Variants in PPP2R3A observed in about 807,000 individuals in gnomAD.
PPP2R3A encodes protein phosphatase 2 regulatory subunit B''alpha.
In PPP2R3A, 80 loss-of-function variants were observed where a neutral mutation model predicts 106.9. That is an observed-to-expected ratio of 0.75 (90% CI 0.62 to 0.90). The LOEUF is 0.90. PPP2R3A is among the 40% of genes least tolerant of loss of function. The pLI is 0.00. For missense variants in PPP2R3A, 1,386 were observed against 1,350.4 expected (o/e 1.03, Z -0.41); for synonymous variants, 483 against 468.3 (o/e 1.03, Z -0.41).
At chr3:136,100,251 T>C (rs1204216662) in intron 10 of PPP2R3A, among the ~76,000 whole-genome samples, 4 of 152,036 alleles carry the variant, frequency 2.6e-5, no homozygotes, top group Non-Finnish European at 4.4e-5. Context: ...AGCTCACAAC[T>C]AAAATTCCAG....
chr3:136,120,444 C>A (rs151017604), intron 13 of PPP2R3A, among the ~76,000 whole-genome samples: 1 of 151,916 alleles, frequency 6.6e-6, no homozygotes, highest in Non-Finnish European at 1.5e-5. Flanking sequence ...AAAAATTAGC[C>A]GGGCAGGGTG....
chr3:136,143,646 C>A (rs1423756484), intron 13 of PPP2R3A, among the ~76,000 whole-genome samples: 1 of 151,854 alleles, frequency 6.6e-6, no homozygotes, highest in African/African-American at 2.4e-5. Context: ...AAAAATTACC[C>A]GGGCATGGTG....
chr3:135,995,233 T>C (rs1173189334), intron 1 of PPP2R3A, among the ~76,000 whole-genome samples: 3 of 152,200 alleles, frequency 2.0e-5, no homozygotes, highest in Non-Finnish European at 4.4e-5. Context: ...AGAACAATTA[T>C]GATTTTGCAA....
intron 8 of PPP2R3A, among the ~76,000 whole-genome samples, chr3:136,085,857 C>T (rs1214675042): frequency 4.0e-5 from 6 of 151,530 alleles, no homozygotes; most frequent in African/African-American, 9.7e-5. Flanking sequence ...GAGGCCAAAG[C>T]GAGTGGATCA....
Position 136,102,189 on chromosome 3 carries a change from C to A in PPP2R3A, c.3103+7C>A, listed in dbSNP as rs746033982. 4 of 1,612,340 alleles carry A rather than the reference C, an allele frequency of 2.5e-6. No homozygotes were observed. The highest frequency in any genetic ancestry group is 3.4e-6 in the Non-Finnish European group (4 of 1,179,762). On this transcript the variant is annotated splice_region_variant and intron_variant, in intron 11 of 13. Coordinates refer to ENST00000264977, the MANE Select transcript of PPP2R3A (RefSeq NM_002718.5). The stretch of plus-strand genomic sequence containing the variant: ...GTGAAGCCAGCTGTTGATGGTGAGA[C>A]CAAGCAATGGGACAGATGCACTGTT...
In PPP2R3A at chr3:136,001,422, T is replaced by C; in HGVS notation, c.-77T>C. 1 of 1,200,484 alleles carries C rather than the reference T, an allele frequency of 8.3e-7. No homozygotes were observed. Among genetic ancestry groups the C allele is most frequent in the Non-Finnish European group, 1.2e-6 (1 of 839,918 alleles). The allele number at this position is 1,200,484 out of a possible 1,614,324, so 74.4% of individuals were successfully genotyped here. ...CATTGTTATTAAATATATTTTCAGCTAACTGTCATTTAGGAGAATTTTCAT... is the reference window on the plus strand; with the variant it reads ...CATTGTTATTAAATATATTTTCAGCCAACTGTCATTTAGGAGAATTTTCAT... On this transcript the variant is annotated 5_prime_UTR_variant, in exon 2 of 14. It removes the in-frame stop codon of an upstream open reading frame in the 5' UTR. Transcript: ENST00000264977.
At chr3:136,138,602 C>T (rs1209517698) in intron 13 of PPP2R3A, among the ~76,000 whole-genome samples, 3 of 148,088 alleles carry the variant, frequency 2.0e-5, no homozygotes, top group Non-Finnish European at 3.0e-5. Context: ...ATATAAGTGG[C>T]TTAGGATATC....
chr3:136,084,690 A>C (rs1046563477), intron 8 of PPP2R3A, among the ~76,000 whole-genome samples: 23 of 152,348 alleles, frequency 1.5e-4, no homozygotes, highest in East Asian at 3.9e-4. Flanking sequence ...TGTACCCTAC[A>C]AAGGCACAGG....
rs1162100392 is a variant in PPP2R3A at position 136,002,698 on chromosome 3, G to T, written c.1200G>T (p.Met400Ile). 1 of 1,613,122 alleles carries T rather than the reference G, an allele frequency of 6.2e-7. No homozygotes were observed. The highest frequency in any genetic ancestry group is 8.5e-7 in the Non-Finnish European group (1 of 1,179,480). ...AVQVQSQSLT[M>I]NPLENVSSDD... ...AGGTCCAATCACAGTCATTAACCAT[G>T]AATCCTTTAGAAAATGTTTCTTCTG... Residue 400 changes from methionine to isoleucine, a missense_variant, in exon 2 of 14, where the codon ATG becomes ATT. Transcript: ENST00000264977.
At chr3:136,102,896 TGAG>T (rs1479577896) in intron 11 of PPP2R3A, among the ~76,000 whole-genome samples, 3 of 151,966 alleles carry the variant, frequency 2.0e-5, no homozygotes, top group African/African-American at 7.3e-5. Flanking sequence ...AGAAAGCACA[TGAG>T]GAGAGATGGG....
chr3:136,054,953 C>G (rs1439906854), intron 5 of PPP2R3A, among the ~76,000 whole-genome samples: 1 of 152,132 alleles, frequency 6.6e-6, no homozygotes, highest in Non-Finnish European at 1.5e-5. Context: ...AGTTTTTTAT[C>G]TTTATATCTA....
intron 5 of PPP2R3A, among the ~76,000 whole-genome samples, chr3:136,059,184 A>T (rs1935987607): frequency 6.6e-6 from 1 of 152,170 alleles, no homozygotes; most frequent in Admixed American, 6.5e-5. Flanking sequence ...AGAAACTATC[A>T]ACAGACTAAA....
intron 2 of PPP2R3A, among the ~76,000 whole-genome samples, chr3:136,004,451 CT>C: frequency 6.6e-6 from 1 of 152,284 alleles, no homozygotes; most frequent in East Asian, 1.9e-4. Flanking sequence ...ATGCTTTTAA[CT>C]GCCTTGTCCC....
intron 3 of PPP2R3A, among the ~76,000 whole-genome samples, chr3:136,032,534 T>A (rs6793273): frequency 0.41 from 61,537 of 149,942 alleles, 15,583 homozygotes; most frequent in African/African-American, 0.73. Context: ...TTATTTATTT[T>A]TTTTTTTTCC....
At chr3:136,078,529 C>A in intron 7 of PPP2R3A, 76 bp downstream of exon 7, 2 of 961,800 alleles carry the variant, frequency 2.1e-6, no homozygotes, top group Non-Finnish European at 3.2e-6. Flanking sequence ...AATATTTGAG[C>A]GCTTACTCTA....
intron 1 of PPP2R3A, among the ~76,000 whole-genome samples, chr3:135,999,718 T>G (rs1288614878): frequency 6.6e-6 from 1 of 152,148 alleles, no homozygotes; most frequent in Non-Finnish European, 1.5e-5. Flanking sequence ...CCCTTTTTCT[T>G]TCTCAGCAAG....
chr3:136,041,253 T>TTC (rs1935269709), intron 4 of PPP2R3A, among the ~76,000 whole-genome samples: 1 of 119,354 alleles, frequency 8.4e-6, no homozygotes. Flanking sequence ...TTTTTTTGTT[T>TTC]TTTTTTTTGT....
At chr3:136,116,071 G>A (rs931423624) in intron 13 of PPP2R3A, among the ~76,000 whole-genome samples, 1 of 152,220 alleles carries the variant, frequency 6.6e-6, no homozygotes, top group African/African-American at 2.4e-5. Flanking sequence ...CAAGCCAGAA[G>A]AAGAAAGTGG....
chr3:136,125,753 CAT>C (rs1481712066), intron 13 of PPP2R3A, among the ~76,000 whole-genome samples: 7 of 152,058 alleles, frequency 4.6e-5, no homozygotes, highest in African/African-American at 1.7e-4. Flanking sequence ...AAAATATTAA[CAT>C]ATCAAATCCA....
Sources: allele counts gnomAD v4.1 joint callset (sites outside exome capture counted in the v4.1 genomes callset), GRCh38; gene constraint gnomAD v4.1.1; transcripts MANE v1.5; gene names NCBI Gene and HGNC (gene_info 2026-07-23, HGNC 2026-07-21).